The following VWC2 variants were observed in gnomAD, a reference collection of about 807,000 sequenced individuals.
VWC2 encodes von Willebrand factor C domain containing 2, also known as brorin.
Under a neutral mutation model 29.8 loss-of-function variants are expected in VWC2, and 14 were observed. The observed-to-expected ratio is 0.47, with a 90% confidence interval of 0.31 to 0.74. The LOEUF is 0.74. Ranked by LOEUF, VWC2 falls within the 30% of genes least tolerant of loss-of-function variation. VWC2 has a pLI of 0.05. For synonymous variants in VWC2, 213 were observed against 199.0 expected, an observed-to-expected ratio of 1.07 and a Z score of -0.59; for missense variants, 457 against 459.8, an observed-to-expected ratio of 0.99 and a Z score of 0.05.
At position 49,796,089 on chromosome 7, in the gene VWC2, C is replaced by G. The variant is rs1788584667; in HGVS notation, c.697-6622C>G. On this transcript the variant is annotated intron_variant, in intron 2 of 3. Transcript: ENST00000340652. ...GTCTTATTTTGTATCATTGCAGAAT[C>G]CAATAATCTGAGAGTTAGAAAATAT... Among the ~76,000 whole-genome samples the G allele has an allele frequency of 2.0e-5, 3 of 152,188 alleles. 1 individual carries two copies. Among genetic ancestry groups the G allele is most frequent in the Middle Eastern group, 6.8e-3 (2 of 292 alleles).
chr7:49,901,568 A>G (rs1044103414), intron 3 of VWC2, among the ~76,000 whole-genome samples: 2 of 151,908 alleles, frequency 1.3e-5, no homozygotes, highest in Admixed American at 1.3e-4. Flanking sequence ...ATATATAAAT[A>G]GAGAGATGTT....
At chr7:49,844,418 GA>G (rs1193330032) in intron 3 of VWC2, among the ~76,000 whole-genome samples, 1 of 152,234 alleles carries the variant, frequency 6.6e-6, no homozygotes, top group African/African-American at 2.4e-5. Context: ...GGCAGAGTTA[GA>G]TAACTATAGA....
intron 2 of VWC2, among the ~76,000 whole-genome samples, chr7:49,800,763 A>T (rs1265544375): frequency 2.6e-5 from 4 of 151,046 alleles, no homozygotes; most frequent in African/African-American, 9.7e-5. Context: ...AATGCTACAG[A>T]CTGAATGAGG....
chr7:49,885,262 A>G (rs1791848298), intron 3 of VWC2, among the ~76,000 whole-genome samples: 1 of 152,168 alleles, frequency 6.6e-6, no homozygotes, highest in Admixed American at 6.5e-5. Flanking sequence ...ATATGTCTCT[A>G]GTTAAAATTG....
At chr7:49,838,035 A>G (rs1789704497) in intron 3 of VWC2, among the ~76,000 whole-genome samples, 1 of 152,250 alleles carries the variant, frequency 6.6e-6, no homozygotes, top group Non-Finnish European at 1.5e-5. Flanking sequence ...AAGGGAAGTC[A>G]ATGCTATCCA....
At chr7:49,847,921 C>T (rs1790012062) in intron 3 of VWC2, among the ~76,000 whole-genome samples, 1 of 152,118 alleles carries the variant, frequency 6.6e-6, no homozygotes, top group Non-Finnish European at 1.5e-5. Context: ...TTTACTATCT[C>T]CTGGAATGGG....
At position 49,881,434 on chromosome 7, in the gene VWC2, TAG is replaced by T. The variant is rs772253186; in HGVS notation, c.827-30591_827-30590del. Among the ~76,000 whole-genome samples the T allele has an allele frequency of 2.6e-5, 4 of 152,130 alleles. 1 individual carries two copies. Among genetic ancestry groups the T allele is most frequent in the Non-Finnish European group, 4.4e-5 (3 of 68,020 alleles). The stretch of plus-strand genomic sequence containing the variant: ...ATGATTTAATAGAAAGTTTAAAAAA[TAG>T]AGAGAGAGCACTAATTGTGCCTAAC... On this transcript the variant is annotated intron_variant, in intron 3 of 3. Coordinates refer to ENST00000340652, the MANE Select transcript of VWC2 (RefSeq NM_198570.5).
intron 3 of VWC2, among the ~76,000 whole-genome samples, chr7:49,862,895 T>C (rs189256740): frequency 6.6e-6 from 1 of 152,296 alleles, no homozygotes; most frequent in Admixed American, 6.5e-5. Flanking sequence ...GGATGTTTTT[T>C]ATCTGTCTCA....
intron 2 of VWC2, 148 bp downstream of exon 2, chr7:49,776,279 T>A: frequency 1.4e-6 from 1 of 705,686 alleles, no homozygotes. Context: ...TGACATGACC[T>A]CTCTTTTTCA....
chr7:49,789,127 G>A (rs1011411400), intron 2 of VWC2, among the ~76,000 whole-genome samples: 13 of 148,762 alleles, frequency 8.7e-5, no homozygotes, highest in African/African-American at 3.2e-4. Flanking sequence ...TGTAGTGTGT[G>A]TGTGAATGGA....
At chr7:49,867,413 AG>A (rs1790943616) in intron 3 of VWC2, among the ~76,000 whole-genome samples, 1 of 152,194 alleles carries the variant, frequency 6.6e-6, no homozygotes, top group Non-Finnish European at 1.5e-5. Flanking sequence ...GGACGAAGTA[AG>A]GGAAGGAGTA....
rs1793833932 is a variant in VWC2, at chr7:49,918,374, C to T, written c.*6189C>T. The T allele has an allele frequency of 6.6e-6, 1 of 152,116 alleles. No individual in the cohort carries two copies. The highest frequency in any genetic ancestry group is 2.4e-5 in the African/African-American group (1 of 41,420). 9.4% of individuals were successfully genotyped at this position (152,116 alleles called of 1,614,324 possible). A position where few individuals can be genotyped will look rare whatever the true frequency, so the allele number is the denominator to read the frequency against. On this transcript the variant is annotated 3_prime_UTR_variant, in exon 4 of 4. Coordinates refer to ENST00000340652, the MANE Select transcript of VWC2 (RefSeq NM_198570.5). Reference sequence around the variant, plus strand: ...CCAAAATGGTCTTTTACCCCACTCCCCATAAATAAGATAATGAATAGCAAC... The same window carrying T: ...CCAAAATGGTCTTTTACCCCACTCCTCATAAATAAGATAATGAATAGCAAC...
At chr7:49,788,295 C>A (rs753839577) in intron 2 of VWC2, among the ~76,000 whole-genome samples, 2 of 152,142 alleles carry the variant, frequency 1.3e-5, no homozygotes, top group African/African-American at 2.4e-5. Context: ...GTTGGGGGTG[C>A]GAGCAGGGCT....
intron 3 of VWC2, among the ~76,000 whole-genome samples, chr7:49,859,934 CATT>C (rs1454867341): frequency 6.6e-6 from 1 of 151,484 alleles, no homozygotes; most frequent in Non-Finnish European, 1.5e-5. Context: ...AATAAATAAA[CATT>C]ATTTATATAT....
Position 49,802,644 on chromosome 7 carries a change from A to C in VWC2, c.697-67A>C. On this transcript the variant is annotated intron_variant, in intron 2 of 3. Coordinates refer to ENST00000340652, the MANE Select transcript of VWC2 (RefSeq NM_198570.5). ...CAGAGCGAGACTCCATTTCAAAAAA[A>C]TATATATGACCCTGTAGGATAAACA... The C allele has an allele frequency of 1.9e-6, 3 of 1,592,666 alleles. No individual in the cohort carries two copies. In the South Asian group the frequency reaches 3.4e-5, roughly 18 times the overall value.
chr7:49,849,395 C>T (rs1790085771), intron 3 of VWC2, among the ~76,000 whole-genome samples: 2 of 152,168 alleles, frequency 1.3e-5, no homozygotes, highest in Admixed American at 1.3e-4. Context: ...TGTGTCCTGC[C>T]ACTGCTCCTG....
chr7:49,834,306 T>G (rs1238600657), intron 3 of VWC2, among the ~76,000 whole-genome samples: 1 of 152,238 alleles, frequency 6.6e-6, no homozygotes, highest in Non-Finnish European at 1.5e-5. Context: ...CAGTGGCTAA[T>G]TCATTTCCAG....
chr7:49,832,548 G>T (rs1789559486), intron 3 of VWC2, among the ~76,000 whole-genome samples: 1 of 152,094 alleles, frequency 6.6e-6, no homozygotes, highest in Non-Finnish European at 1.5e-5. Context: ...TTCCTTACAG[G>T]GTTAAAACAG....
chr7:49,804,229 TTACTC>T (rs1788817717), intron 3 of VWC2, among the ~76,000 whole-genome samples: 1 of 151,588 alleles, frequency 6.6e-6, no homozygotes, highest in African/African-American at 2.4e-5. Flanking sequence ...TCAATACAGT[TTACTC>T]TACTAGTGTT....
Sources: gnomAD v4.1 joint callset for allele counts (sites outside exome capture counted in the v4.1 genomes callset) on GRCh38, gnomAD v4.1.1 for gene constraint, MANE v1.5 for transcripts, NCBI Gene and HGNC (gene_info 2026-07-23, HGNC 2026-07-21) for gene names.